ADAMTSL2: variants seen among roughly 807,000 people sequenced by gnomAD.
The protein encoded by ADAMTSL2 is ADAMTS like 2.
Under a neutral mutation model 117.0 loss-of-function variants are expected in ADAMTSL2, and 55 were observed. The ratio of observed to expected loss-of-function variants is 0.47; its 90% confidence interval spans 0.38 to 0.59. ADAMTSL2 has a LOEUF of 0.59. ADAMTSL2 is among the 20% of genes least tolerant of loss of function. ADAMTSL2 has a pLI of 0.00. For missense variants in ADAMTSL2, 1,182 were observed against 1,354.5 expected (o/e 0.87, Z 2.00); for synonymous variants, 572 against 566.4 (o/e 1.01, Z -0.14).
intron 9 of ADAMTSL2, among the ~76,000 whole-genome samples, chr9:133,553,241 A>G (rs1830527596): frequency 6.6e-6 from 1 of 152,198 alleles, no homozygotes; most frequent in African/African-American, 2.4e-5. Flanking sequence ...GCAGATCCCC[A>G]CACCCCGAGT....
Position 133,554,749 on chromosome 9 carries a change from G to T in ADAMTSL2, c.1276+56G>T. On this transcript the variant is annotated intron_variant, in intron 10 of 18. Coordinates refer to ENST00000651351, the MANE Select transcript of ADAMTSL2 (RefSeq NM_014694.4). The surrounding 1 kb of genome is among the most constrained non-coding windows in gnomAD (Gnocchi z 5.2). ...GGCCCGGGAGGCAGCCCAGGGAAGG[G>T]GGCCTTGGGGAAGGGGTCTCAGACC... 7.1e-7 allele frequency: 1 copy of T among 1,408,000 alleles called. No individual in the cohort carries two copies. Among genetic ancestry groups the T allele is most frequent in the Non-Finnish European group, 9.4e-7 (1 of 1,063,554 alleles). The allele number at this position is 1,408,000 out of a possible 1,614,324, so 87.2% of individuals were successfully genotyped here.
intron 18 of ADAMTSL2, 71 bp downstream of exon 18, chr9:133,574,058 G>T: frequency 6.5e-7 from 1 of 1,539,692 alleles, no homozygotes. Context: ...CAGGGCCTGA[G>T]GGGTGAGCAG....
chr9:133,551,511 C>T (rs1830482607), intron 9 of ADAMTSL2, among the ~76,000 whole-genome samples: 1 of 152,166 alleles, frequency 6.6e-6, no homozygotes, highest in Non-Finnish European at 1.5e-5. Context: ...CTGTGTGGGT[C>T]GCCTGATGTC....
intron 7 of ADAMTSL2, among the ~76,000 whole-genome samples, chr9:133,542,328 G>C (rs1830244600): frequency 6.6e-6 from 1 of 152,226 alleles, no homozygotes; most frequent in South Asian, 2.1e-4. Context: ...TGGAGGCCTC[G>C]CTCTAGGAGC....
At chr9:133,559,724 GC>G (rs761354815) in intron 11 of ADAMTSL2, among the ~76,000 whole-genome samples, 3 of 152,078 alleles carry the variant, frequency 2.0e-5, no homozygotes, top group Non-Finnish European at 4.4e-5. Context: ...TTCCCCTTGA[GC>G]CCCAGGATGG....
intron 12 of ADAMTSL2, among the ~76,000 whole-genome samples, chr9:133,564,445 G>A (rs867889351): frequency 0.023 from 159 of 7,062 alleles, no homozygotes; most frequent in East Asian, 0.026. Flanking sequence ...AGAGAGAGAG[G>A]GAGAGAGAGG....
At position 133,536,606 on chromosome 9, in the gene ADAMTSL2, A is replaced by G. The variant is rs1193123343; in HGVS notation, c.-107A>G. The G allele has an allele frequency of 6.2e-7, 1 of 1,612,222 alleles. No homozygotes were observed. The highest frequency in any genetic ancestry group is 1.7e-5 in the Admixed American group (1 of 59,698). On this transcript the variant is annotated 5_prime_UTR_variant, in exon 2 of 19. Transcript: ENST00000651351. ...GACCAACTAGTCCCAGATAACCTTG[A>G]GGCCTGGGCACTGGCTGGGCCCCGA... is the stretch of plus-strand genomic sequence containing the variant.
In ADAMTSL2 at chr9:133,539,641, C is replaced by T. The variant is rs902826856; in HGVS notation, c.310-130C>T. 216 of 100,142 alleles carry T rather than the reference C, an allele frequency of 2.2e-3. 4 individuals carry two copies. The highest frequency in any genetic ancestry group is 7.3e-3 in the South Asian group (80 of 10,932). 6.2% of individuals were successfully genotyped at this position (100,142 alleles called of 1,614,324 possible). On this transcript the variant is annotated intron_variant, in intron 4 of 18. Transcript: ENST00000651351. ...GAGCCCTAGAGGCCACCCCGTGGGC[C>T]GTGGCCCCCGCACGGCTGTCCCGGC...
intron 12 of ADAMTSL2, among the ~76,000 whole-genome samples, chr9:133,562,202 C>T (rs1008205841): frequency 5.3e-5 from 8 of 152,212 alleles, no homozygotes; most frequent in African/African-American, 7.2e-5. Context: ...TGAGCTTGGC[C>T]GCACCCTCTG....
At chr9:133,572,059 A>C (rs1831117412) in intron 17 of ADAMTSL2, among the ~76,000 whole-genome samples, 1 of 152,090 alleles carries the variant, frequency 6.6e-6, no homozygotes, top group African/African-American at 2.4e-5. Flanking sequence ...GTGAGGAGCG[A>C]GCTGGGGACC....
intron 2 of ADAMTSL2, among the ~76,000 whole-genome samples, 166 bp from the exon 3 acceptor site, chr9:133,537,239 C>A (rs1180808543): frequency 6.6e-6 from 1 of 152,194 alleles, no homozygotes; most frequent in Non-Finnish European, 1.5e-5. Context: ...CCAGCGCCAC[C>A]CAGGAGATCT....
intron 12 of ADAMTSL2, 44 bp downstream of exon 12, chr9:133,561,339 A>G (rs1588299005): frequency 6.6e-7 from 1 of 1,521,282 alleles, no homozygotes; most frequent in East Asian, 2.4e-5. Flanking sequence ...CCCTGAACCC[A>G]TTTCCATGGA....
rs1432027985 is a variant in ADAMTSL2, at chr9:133,557,713, C to T, written c.1649+1783C>T. ...CCGTGTGTGAGGCCCACGGTAAGGC[C>T]TCCAGTAAGTAGAAGCTATTAGTAG... On this transcript the variant is annotated intron_variant, in intron 11 of 18. Coordinates refer to ENST00000651351, the MANE Select transcript of ADAMTSL2 (RefSeq NM_014694.4). This position sits in a 1 kb window ranked among gnomAD's most constrained non-coding sequence, Gnocchi z 5.2. Among the ~76,000 whole-genome samples, 2 of 152,144 alleles carry T rather than the reference C, an allele frequency of 1.3e-5. No homozygotes were observed. Among genetic ancestry groups the T allele is most frequent in the African/African-American group, 4.8e-5 (2 of 41,424 alleles).
chr9:133,546,920 G>C, intron 8 of ADAMTSL2, 118 bp from the exon 9 acceptor site: 2 of 1,061,298 alleles, frequency 1.9e-6, no homozygotes, highest in East Asian at 2.4e-5. Context: ...TTCCTGTCTC[G>C]GGAGCATTTG....
Position 133,569,567 on chromosome 9 carries a change from G to T in ADAMTSL2, c.2404G>T (p.Asp802Tyr). 1 of 1,574,134 alleles carries T rather than the reference G, an allele frequency of 6.4e-7. No homozygotes were observed. The highest frequency in any genetic ancestry group is 8.6e-7 in the Non-Finnish European group (1 of 1,158,916). Reference sequence around the variant, plus strand: ...CTGTCCCGCCCACTGGCTGGCCCAGGACTGGGAGCGGGTGAGTGCCCCAGA... The same window carrying T: ...CTGTCCCGCCCACTGGCTGGCCCAGTACTGGGAGCGGGTGAGTGCCCCAGA... ...KNCPAHWLAQ[D>Y]WERCNTTCGR... is the part of the protein sequence containing the mutation. The change falls in exon 16 of 19, where the codon GAC becomes TAC. Residue 802 changes from aspartate to tyrosine, a missense_variant. Physicochemically the swap from Asp to Tyr is radical, Grantham distance 160. This residue lies in a region of ADAMTSL2 where 465 missense variants were observed against 565.3 expected (regional missense o/e 0.82). Coordinates refer to ENST00000651351, the MANE Select transcript of ADAMTSL2 (RefSeq NM_014694.4).
At chr9:133,561,509 C>T (rs918809044) in intron 12 of ADAMTSL2, among the ~76,000 whole-genome samples, 2 of 148,604 alleles carry the variant, frequency 1.3e-5, no homozygotes, top group East Asian at 3.9e-4. Flanking sequence ...AGACCATGGT[C>T]AGGTCCAGGC....
intron 7 of ADAMTSL2, 141 bp downstream of exon 7, chr9:133,541,142 C>A: frequency 7.6e-7 from 1 of 1,321,622 alleles, no homozygotes; most frequent in Non-Finnish European, 1.1e-6. Context: ...CATCCCAGGC[C>A]GGGTGAGCTG....
At chr9:133,535,278 G>A (rs566985231) in intron 1 of ADAMTSL2, among the ~76,000 whole-genome samples, 244 of 152,204 alleles carry the variant, frequency 1.6e-3, no homozygotes, top group Non-Finnish European at 2.7e-3. Context: ...TCAGCCGGCA[G>A]GCAGAGGCTG....
chr9:133,547,680 A>T (rs1830385188), intron 9 of ADAMTSL2, among the ~76,000 whole-genome samples: 1 of 152,028 alleles, frequency 6.6e-6, no homozygotes, highest in Non-Finnish European at 1.5e-5. Flanking sequence ...TCCCTACCCC[A>T]CGGTGGAGGG....
Sources: gnomAD v4.1 joint callset for allele counts (sites outside exome capture counted in the v4.1 genomes callset) on GRCh38, gnomAD v4.1.1 for gene constraint, gnomAD v4.1.1 regional missense constraint, Gnocchi (gnomAD v3.1) non-coding constraint, MANE v1.5 for transcripts, NCBI Gene and HGNC (gene_info 2026-07-23, HGNC 2026-07-21) for gene names.